The following SEC23A variants were observed in gnomAD, a reference collection of about 807,000 sequenced individuals.
The protein encoded by SEC23A is SEC23 homolog A, COPII component, also known as protein transport protein Sec23A.
In SEC23A, 56 loss-of-function variants were observed where a neutral mutation model predicts 103.7. That is an observed-to-expected ratio of 0.54 (90% CI 0.44 to 0.67). The LOEUF (loss-of-function observed/expected upper bound fraction) is 0.67, where lower values mean the gene tolerates loss of function less well. Among genes scored for constraint, SEC23A ranks in the 30% least tolerant of loss-of-function variants. The pLI, the probability that SEC23A is intolerant of heterozygous loss-of-function variation, is 0.00. For missense variants in SEC23A, 784 were observed against 936.4 expected, an observed-to-expected ratio of 0.84 and a Z score of 2.12; for synonymous variants, 281 against 293.0, an observed-to-expected ratio of 0.96 and a Z score of 0.42.
rs1309519171 is a variant in SEC23A, at chr14:39,067,116, C to T, written c.1227+57G>A. The stretch of plus-strand genomic sequence containing the variant: ...ATTAATGGCATTTTAGAATTACACT[C>T]AAGCCTATAAGTTGTCTTTTGATAA... On this transcript the variant is annotated intron_variant, in intron 10 of 19. Transcript: ENST00000307712. 6 of 1,600,322 alleles carry T rather than the reference C, an allele frequency of 3.7e-6. No individual in the cohort carries two copies. The South Asian group carries it at 6.6e-5, about 18-fold the overall frequency.
chr14:39,037,648 T>G (rs1359711329), intron 19 of SEC23A, among the ~76,000 whole-genome samples: 1 of 152,218 alleles, frequency 6.6e-6, no homozygotes, highest in Non-Finnish European at 1.5e-5. Flanking sequence ...CACACCATTA[T>G]CACTCTCAAG....
At chr14:39,095,317 G>A (rs1334161047) in intron 2 of SEC23A, among the ~76,000 whole-genome samples, 1 of 149,852 alleles carries the variant, frequency 6.7e-6, no homozygotes, top group Non-Finnish European at 1.5e-5. Flanking sequence ...TTTTTTTGAG[G>A]CGGAGTCTCG....
intron 7 of SEC23A, among the ~76,000 whole-genome samples, chr14:39,084,039 T>G (rs2139271605): frequency 6.6e-6 from 1 of 152,278 alleles, no homozygotes; most frequent in East Asian, 1.9e-4. Context: ...GTTTTGTTTT[T>G]GAGATGGAGT....
At chr14:39,048,123 T>A (rs978640985) in intron 15 of SEC23A, among the ~76,000 whole-genome samples, 5 of 152,166 alleles carry the variant, frequency 3.3e-5, no homozygotes, top group African/African-American at 1.2e-4. Flanking sequence ...GGTTCCAGAA[T>A]AAGTCTCTAT....
intron 6 of SEC23A, among the ~76,000 whole-genome samples, chr14:39,086,542 A>C (rs1887451384): frequency 6.6e-6 from 1 of 152,136 alleles, no homozygotes; most frequent in Non-Finnish European, 1.5e-5. Context: ...GAATTGTTTG[A>C]ACCTGGGAGG....
chr14:39,099,199 A>G (rs1343225583), intron 1 of SEC23A, among the ~76,000 whole-genome samples: 2 of 126,200 alleles, frequency 1.6e-5, no homozygotes, highest in East Asian at 2.3e-4. Flanking sequence ...TCACTCTGTC[A>G]CCAGGCTGGA....
intron 2 of SEC23A, among the ~76,000 whole-genome samples, chr14:39,093,957 C>T (rs1380036142): frequency 2.0e-5 from 3 of 151,844 alleles, no homozygotes; most frequent in East Asian, 1.9e-4. Context: ...AAGAGAACTG[C>T]TCTCATGGAG....
chr14:39,102,024 G>A (rs913875068), intron 1 of SEC23A, among the ~76,000 whole-genome samples: 5 of 152,138 alleles, frequency 3.3e-5, no homozygotes, highest in African/African-American at 1.2e-4. Flanking sequence ...CTGAGGTCAG[G>A]AGTTCGAGAC....
intron 14 of SEC23A, among the ~76,000 whole-genome samples, chr14:39,050,431 A>G (rs542756060): frequency 6.6e-6 from 1 of 152,354 alleles, no homozygotes; most frequent in African/African-American, 2.4e-5. Flanking sequence ...CAGTAAAGCT[A>G]AAGTGTTTCA....
At chr14:39,097,547 T>C (rs1220002090) in intron 1 of SEC23A, among the ~76,000 whole-genome samples, 1 of 152,220 alleles carries the variant, frequency 6.6e-6, no homozygotes, top group Non-Finnish European at 1.5e-5. Context: ...AGAAAATCTT[T>C]CAAATAAATT....
chr14:39,048,692 C>T lies in SEC23A; in HGVS notation c.1697G>A (p.Ser566Asn), dbSNP rs903635005. The T allele has an allele frequency of 1.9e-6, 3 of 1,593,568 alleles. No individual in the cohort carries two copies. Among genetic ancestry groups the T allele is most frequent in the Non-Finnish European group, 1.7e-6 (2 of 1,161,496 alleles). The part of the protein sequence containing the change: ...KFGEYHKDDP[S>N]SFRFSETFSL... ...GAAAGTTTCTGAAAATCTGAAGGAACTTGGGTCATCTTTATGATATTCTCC... is the reference window on the plus strand; with the variant it reads ...GAAAGTTTCTGAAAATCTGAAGGAATTTGGGTCATCTTTATGATATTCTCC... The change falls in exon 15 of 20, where the codon AGT becomes AAT. Residue 566 changes from serine (S) to asparagine (N), a missense_variant. By Grantham distance (46) the Ser-to-Asn change is conservative. Transcript: ENST00000307712.
rs1885349101 is a variant in SEC23A at position 39,032,981 on chromosome 14, T to C, written c.*258A>G. 2 of 418,574 alleles carry C rather than the reference T, an allele frequency of 4.8e-6. No individual in the cohort carries two copies. The highest frequency in any genetic ancestry group is 8.7e-6 in the Non-Finnish European group (2 of 230,004). The allele number at this position is 418,574 out of a possible 1,614,324, so 25.9% of individuals were successfully genotyped here. ...GGCAGACTCTATTTTTTATTAAACA[T>C]AATTAAGTTATAAAGACTTCAAATT... On this transcript the variant is annotated 3_prime_UTR_variant, in exon 20 of 20. Transcript: ENST00000307712.
intron 15 of SEC23A, 124 bp from the exon 16 acceptor site, chr14:39,045,448 T>C: frequency 1.6e-6 from 1 of 634,188 alleles, no homozygotes; most frequent in African/African-American, 1.8e-5. Context: ...TATAAGAATG[T>C]TCTAATTTAT....
intron 1 of SEC23A, among the ~76,000 whole-genome samples, chr14:39,102,380 T>C (rs1594496006): frequency 6.6e-6 from 1 of 152,166 alleles, no homozygotes; most frequent in East Asian, 1.9e-4. Context: ...CTTTGGACGG[T>C]AGAGGTTGAG....
chr14:39,049,977 C>G (rs919205795), intron 14 of SEC23A, among the ~76,000 whole-genome samples: 10 of 151,884 alleles, frequency 6.6e-5, no homozygotes, highest in African/African-American at 2.4e-4. Context: ...ACTGTGTTAG[C>G]CAGGATGGTC....
intron 1 of SEC23A, among the ~76,000 whole-genome samples, chr14:39,101,154 A>AT (rs1379999320): frequency 2.0e-5 from 3 of 152,164 alleles, no homozygotes; most frequent in East Asian, 3.9e-4. Context: ...ACTAGTCTTT[A>AT]TTTTTTTTAA....
chr14:39,083,415 G>A lies in SEC23A; in HGVS notation c.828+2347C>T, dbSNP rs1021892124. 2.0e-5 allele frequency among the ~76,000 whole-genome samples: 3 copies of A among 152,006 alleles called. No homozygotes were observed. The East Asian group carries it at 5.8e-4, about 29-fold the overall frequency. On this transcript the variant is annotated intron_variant, in intron 7 of 19. Transcript: ENST00000307712. Reference sequence around the variant, plus strand: ...CCTACTTGAGCTGTCCCACCTATCTGGATGGAACCAACATACATCTTACAT... The same window carrying A: ...CCTACTTGAGCTGTCCCACCTATCTAGATGGAACCAACATACATCTTACAT...
chr14:39,085,687 T>TACACACACAC lies in SEC23A; in HGVS notation c.828+74_828+75insGTGTGTGTGT, dbSNP rs1276785608. On this transcript the variant is annotated intron_variant, in intron 7 of 19. Coordinates refer to ENST00000307712, the MANE Select transcript of SEC23A (RefSeq NM_006364.4). Reference sequence around the variant, plus strand: ...GGTTCTTCTTATCCTTATAATTATATATACACACACACACACACACACACA... The same window carrying TACACACACAC: ...GGTTCTTCTTATCCTTATAATTATATACACACACACATACACACACACACACACACACACA... 3.7e-3 allele frequency: 4,306 copies of TACACACACAC among 1,177,124 alleles called. 91 individuals carry two copies. In the African/African-American group the frequency reaches 0.053, roughly 14 times the overall value. 72.9% of individuals were successfully genotyped at this position (1,177,124 alleles called of 1,614,324 possible).
At chr14:39,092,743 A>G in intron 3 of SEC23A, 116 bp from the exon 4 acceptor site, 1 of 653,628 alleles carries the variant, frequency 1.5e-6, no homozygotes, top group East Asian at 2.9e-5. Flanking sequence ...CATTTTCATT[A>G]AATGAGAAAT....
Sources: gnomAD v4.1 joint callset for allele counts (sites outside exome capture counted in the v4.1 genomes callset) on GRCh38, gnomAD v4.1.1 for gene constraint, MANE v1.5 for transcripts, NCBI Gene and HGNC (gene_info 2026-07-23, HGNC 2026-07-21) for gene names.